The following APOO variants were observed in gnomAD, a reference collection of about 807,000 sequenced individuals.
The protein encoded by APOO is MICOS complex subunit MIC26.
Under a neutral mutation model 23.1 loss-of-function variants are expected in APOO, and 11 were observed. That is an observed-to-expected ratio of 0.48 (90% CI 0.30 to 0.79). APOO has a LOEUF of 0.79. Among genes scored for constraint, APOO ranks in the 30% least tolerant of loss-of-function variants. The probability of loss-of-function intolerance (pLI) is 0.07; values close to 1 mark genes in which losing one functional copy is unlikely to be tolerated. For missense variants in APOO, 160 were observed against 142.7 expected (o/e 1.12, Z -0.62); for synonymous variants, 59 against 54.8 (o/e 1.08, Z -0.34).
At chrX:23,856,211 T>A in intron 7 of APOO, 91 bp downstream of exon 7, 1 of 927,650 alleles carries the variant, frequency 1.1e-6, no homozygotes, top group Non-Finnish European at 1.5e-6. Flanking sequence ...GAAAAAGCAA[T>A]AAATCAACAG....
intron 1 of APOO, among the ~76,000 whole-genome samples, chrX:23,906,758 C>A (rs780465269): frequency 1.8e-5 from 2 of 112,272 alleles, no homozygotes; most frequent in Non-Finnish European, 3.8e-5. Context: ...GATGTTATTA[C>A]CCCAACTTCA....
intron 1 of APOO, among the ~76,000 whole-genome samples, chrX:23,886,263 C>T (rs1040681221): frequency 9.0e-6 from 1 of 111,261 alleles, no homozygotes; most frequent in Non-Finnish European, 1.9e-5. Flanking sequence ...AACCCATGGC[C>T]TCAAACATAG....
At position 23,858,629 on chromosome X, in the gene APOO, G is replaced by C. The variant is rs775399917; in HGVS notation, c.480+13C>G. On this transcript the variant is annotated intron_variant, in intron 6 of 8. Coordinates refer to ENST00000379226, the MANE Select transcript of APOO (RefSeq NM_024122.5). ...AGAATGAGGGACATCATGGATTACA[G>C]AGTTTCTCTTACCTGGGCAAACACG... The C allele has an allele frequency of 7.5e-6, 9 of 1,197,796 alleles. No individual in the cohort carries two copies. The South Asian group carries it at 1.6e-4, about 22-fold the overall frequency.
At chrX:23,838,372 A>AG (rs1411625801) in intron 8 of APOO, among the ~76,000 whole-genome samples, 7 of 103,905 alleles carry the variant, frequency 6.7e-5, no homozygotes, top group African/African-American at 2.5e-4. Context: ...AAAAAAAAAA[A>AG]AAAAAGAAAG....
At chrX:23,898,989 C>A (rs1041142570) in intron 1 of APOO, among the ~76,000 whole-genome samples, 2 of 112,398 alleles carry the variant, frequency 1.8e-5, no homozygotes, top group African/African-American at 6.5e-5. Flanking sequence ...GAATAGACTT[C>A]TTTTCAGGAA....
chrX:23,851,487 C>T (rs768773346), intron 7 of APOO, among the ~76,000 whole-genome samples: 2 of 111,816 alleles, frequency 1.8e-5, no homozygotes, highest in African/African-American at 6.5e-5. Context: ...GCCACCGCGC[C>T]CCACGGTAAT....
intron 4 of APOO, among the ~76,000 whole-genome samples, chrX:23,872,388 T>G (rs1017146373): frequency 9.1e-6 from 1 of 109,454 alleles, no homozygotes; most frequent in Admixed American, 1.0e-4. Flanking sequence ...CAGAGAAAGA[T>G]CCTGTCTCAG....
intron 5 of APOO, among the ~76,000 whole-genome samples, chrX:23,866,360 A>T (rs2146998950): frequency 8.9e-6 from 1 of 112,412 alleles, no homozygotes; most frequent in African/African-American, 3.2e-5. Context: ...CTGGAAATTT[A>T]ATTCTGACAT....
intron 5 of APOO, among the ~76,000 whole-genome samples, chrX:23,866,077 G>A (rs1334382578): frequency 9.0e-6 from 1 of 110,598 alleles, no homozygotes; most frequent in African/African-American, 3.3e-5. Flanking sequence ...CTGTAGGAAC[G>A]TACCCACAGC....
intron 1 of APOO, among the ~76,000 whole-genome samples, chrX:23,889,951 G>A (rs5925962): frequency 0.081 from 8,892 of 110,294 alleles, 327 homozygotes; most frequent in South Asian, 0.16. Flanking sequence ...GTCAGCCACC[G>A]CGCCTGGCCC....
At chrX:23,838,685 T>C (rs1923832905) in intron 8 of APOO, among the ~76,000 whole-genome samples, 1 of 110,812 alleles carries the variant, frequency 9.0e-6, no homozygotes, top group South Asian at 3.8e-4. Flanking sequence ...CCCAAAGTGC[T>C]GGGATTACAG....
At chrX:23,889,479 A>G (rs1421779639) in intron 1 of APOO, among the ~76,000 whole-genome samples, 3 of 110,445 alleles carry the variant, frequency 2.7e-5, no homozygotes, top group Admixed American at 9.7e-5. Flanking sequence ...TTCTTTTTCA[A>G]CTTTATAGAG....
chrX:23,904,226 T>G (rs1318239604), intron 1 of APOO, among the ~76,000 whole-genome samples: 1 of 111,268 alleles, frequency 9.0e-6, no homozygotes, highest in Non-Finnish European at 1.9e-5. Context: ...AATGCATTCC[T>G]CTCCCCTGTG....
Position 23,844,881 on chromosome X carries a change from G to A in APOO, c.562-4504C>T, listed in dbSNP as rs1200785051. ...GGACATTATCTTCTCAGGCAGAAGC[G>A]AAAATGTGCAGTATCACATGAGTGG... On this transcript the variant is annotated intron_variant, in intron 7 of 8. Coordinates refer to ENST00000379226, the MANE Select transcript of APOO (RefSeq NM_024122.5). Among the ~76,000 whole-genome samples, 4 of 112,491 alleles carry A rather than the reference G, an allele frequency of 3.6e-5. No individual in the cohort carries two copies. The East Asian group carries it at 8.3e-4, about 23-fold the overall frequency.
In APOO at chrX:23,886,257, C is replaced by G. The variant is rs746546485; in HGVS notation, c.10-5305G>C. ...AAGAAAATCTGTATGTTTTAAAACC[C>G]ATGGCCTCAAACATAGTGAGAAACC... On this transcript the variant is annotated intron_variant, in intron 1 of 8. Transcript: ENST00000379226. Among the ~76,000 whole-genome samples the G allele has an allele frequency of 5.4e-5, 6 of 111,392 alleles. No homozygotes were observed. In the East Asian group the frequency reaches 1.7e-3, roughly 31 times the overall value.
chrX:23,864,954 C>T (rs895930512), intron 5 of APOO, among the ~76,000 whole-genome samples: 7 of 110,688 alleles, frequency 6.3e-5, no homozygotes, highest in African/African-American at 2.3e-4. Context: ...TGGCAGCTCT[C>T]GGGCCTCCAG....
intron 7 of APOO, 146 bp downstream of exon 7, chrX:23,856,155 AG>A (rs1454875200): frequency 3.5e-6 from 2 of 566,439 alleles, no homozygotes; most frequent in Admixed American, 6.3e-5. Context: ...CTACCAAGAA[AG>A]GTCACCTGAA....
At chrX:23,846,289 C>T (rs1412957958) in intron 7 of APOO, among the ~76,000 whole-genome samples, 49 of 84,831 alleles carry the variant, frequency 5.8e-4, no homozygotes, top group African/African-American at 2.1e-3. Context: ...CCAGCCTGGG[C>T]GACAGAGCGA....
chrX:23,892,767 C>CAA (rs750595725), intron 1 of APOO, among the ~76,000 whole-genome samples: 3 of 64,308 alleles, frequency 4.7e-5, no homozygotes, highest in Admixed American at 1.8e-4. Context: ...GACTCCGTCA[C>CAA]AAAAAAAAAA....
Sources: gnomAD v4.1 joint callset for allele counts (sites outside exome capture counted in the v4.1 genomes callset) on GRCh38, gnomAD v4.1.1 for gene constraint, MANE v1.5 for transcripts, NCBI Gene and HGNC (gene_info 2026-07-23, HGNC 2026-07-21) for gene names.